The following SCAMP1 variants were observed in gnomAD, a reference collection of about 807,000 sequenced individuals.
The protein encoded by SCAMP1 is secretory carrier membrane protein 1, also known as secretory carrier-associated membrane protein 1.
A neutral mutation model predicts 41.8 loss-of-function variants in SCAMP1; 15 were observed. The observed-to-expected ratio is 0.36, with a 90% CI of 0.24 to 0.55. The LOEUF (loss-of-function observed/expected upper bound fraction) is 0.55. SCAMP1 is among the 20% of genes least tolerant of loss of function. SCAMP1 has a pLI of 0.86. For synonymous variants in SCAMP1, 135 were observed against 136.8 expected, an observed-to-expected ratio of 0.99 and a Z score of 0.09; for missense variants, 341 against 412.6, an observed-to-expected ratio of 0.83 and a Z score of 1.50.
chr5:78,385,779 T>G (rs575246261), intron 1 of SCAMP1, among the ~76,000 whole-genome samples: 3 of 152,314 alleles, frequency 2.0e-5, no homozygotes, highest in Admixed American at 6.5e-5. Flanking sequence ...GGAGTTGATT[T>G]CCAATTTTAT....
At chr5:78,427,875 CTGT>C (rs1361097835) in intron 6 of SCAMP1, among the ~76,000 whole-genome samples, 1 of 151,912 alleles carries the variant, frequency 6.6e-6, no homozygotes, top group Non-Finnish European at 1.5e-5. Flanking sequence ...TTTAAAAATT[CTGT>C]TGTTGACTTC....
intron 8 of SCAMP1, among the ~76,000 whole-genome samples, chr5:78,467,046 G>A (rs1290443284): frequency 1.3e-5 from 2 of 152,160 alleles, no homozygotes; most frequent in East Asian, 1.9e-4. Flanking sequence ...TGTTTTCCAC[G>A]TTGACCTTGA....
Position 78,465,085 on chromosome 5 carries a change from C to T in SCAMP1, c.852+5723C>T, listed in dbSNP as rs114680516. 8.7e-3 allele frequency among the ~76,000 whole-genome samples: 1,326 copies of T among 152,246 alleles called. 15 individuals carry two copies. Among genetic ancestry groups the T allele is most frequent in the African/African-American group, 0.03 (1,252 of 41,542 alleles). ...CCCAGCTCCGATCTTGCTGTGTCTC[C>T]CAGAATGTTTTTTGTTGCCTTGTAT... is the stretch of plus-strand genomic sequence containing the variant. On this transcript the variant is annotated intron_variant, in intron 8 of 8. Transcript: ENST00000621999.
At chr5:78,401,396 T>G (rs920829260) in intron 2 of SCAMP1, among the ~76,000 whole-genome samples, 6 of 152,166 alleles carry the variant, frequency 3.9e-5, no homozygotes, top group Non-Finnish European at 8.8e-5. Context: ...TGAGACTGTA[T>G]GGAATTAGTA....
At chr5:78,452,321 C>T (rs1397774231) in intron 7 of SCAMP1, among the ~76,000 whole-genome samples, 115 of 142,166 alleles carry the variant, frequency 8.1e-4, no homozygotes, top group African/African-American at 2.8e-3. Flanking sequence ...TCTCCCAATG[C>T]TATCCCTCCC....
At chr5:78,442,468 A>T (rs1306533107) in intron 6 of SCAMP1, among the ~76,000 whole-genome samples, 1 of 152,136 alleles carries the variant, frequency 6.6e-6, no homozygotes, top group Non-Finnish European at 1.5e-5. Context: ...CATGTTGGCC[A>T]GGCTGGTCTC....
chr5:78,396,429 A>G (rs1751653387), intron 2 of SCAMP1, among the ~76,000 whole-genome samples: 1 of 152,172 alleles, frequency 6.6e-6, no homozygotes, highest in Admixed American at 6.5e-5. Flanking sequence ...ATAAAGTTAA[A>G]AAGTTAGTGA....
intron 2 of SCAMP1, among the ~76,000 whole-genome samples, chr5:78,392,272 A>G (rs975908134): frequency 6.6e-6 from 1 of 152,184 alleles, no homozygotes; most frequent in Non-Finnish European, 1.5e-5. Flanking sequence ...CATAATATTC[A>G]AAATTGATAT....
At chr5:78,448,259 T>C (rs925503182) in intron 6 of SCAMP1, among the ~76,000 whole-genome samples, 3 of 147,188 alleles carry the variant, frequency 2.0e-5, no homozygotes, top group African/African-American at 7.5e-5. Flanking sequence ...GTCAAACTCC[T>C]AGCCTCAAGC....
intron 8 of SCAMP1, among the ~76,000 whole-genome samples, chr5:78,462,196 A>AGTAT (rs1554047176): frequency 6.8e-6 from 1 of 147,896 alleles, no homozygotes; most frequent in Non-Finnish European, 1.5e-5. Context: ...TGTGTGTAGG[A>AGTAT]GTGTGTGTGT....
intron 1 of SCAMP1, among the ~76,000 whole-genome samples, chr5:78,372,567 G>A (rs1441393901): frequency 6.6e-6 from 1 of 151,908 alleles, no homozygotes; most frequent in Non-Finnish European, 1.5e-5. Context: ...AAAATTAGAT[G>A]TCTTTTTCAA....
chr5:78,410,541 T>C (rs1419129113), intron 2 of SCAMP1, among the ~76,000 whole-genome samples: 1 of 152,214 alleles, frequency 6.6e-6, no homozygotes, highest in Admixed American at 6.5e-5. Context: ...TTATCCAGTC[T>C]ATGATTGATG....
chr5:78,412,895 G>A (rs1207064666), intron 2 of SCAMP1, among the ~76,000 whole-genome samples: 2 of 152,096 alleles, frequency 1.3e-5, no homozygotes, highest in Admixed American at 6.5e-5. Flanking sequence ...TTTGTGTGGT[G>A]TGTGTTTTCC....
chr5:78,460,367 C>T (rs1054257747), intron 8 of SCAMP1, among the ~76,000 whole-genome samples: 31 of 152,282 alleles, frequency 2.0e-4, no homozygotes, highest in African/African-American at 7.5e-4. Flanking sequence ...TTTATATTCC[C>T]GTCAACGGTA....
intron 1 of SCAMP1, among the ~76,000 whole-genome samples, chr5:78,384,212 G>T (rs1312226775): frequency 6.9e-6 from 1 of 145,052 alleles, no homozygotes; most frequent in Non-Finnish European, 1.5e-5. Flanking sequence ...TTTAAAAGGG[G>T]TGGAGTTCTT....
intron 2 of SCAMP1, among the ~76,000 whole-genome samples, chr5:78,392,851 T>A (rs900443504): frequency 1.3e-5 from 2 of 152,212 alleles, no homozygotes; most frequent in African/African-American, 4.8e-5. Context: ...TAGGTGTAGT[T>A]AGATAATTGA....
intron 2 of SCAMP1, among the ~76,000 whole-genome samples, chr5:78,392,220 C>T (rs1364548630): frequency 1.3e-5 from 2 of 152,176 alleles, no homozygotes; most frequent in African/African-American, 4.8e-5. Context: ...AAGCTGTCTA[C>T]TTTGTGCCAT....
At chr5:78,429,461 T>G (rs1026086263) in intron 6 of SCAMP1, among the ~76,000 whole-genome samples, 2 of 151,982 alleles carry the variant, frequency 1.3e-5, no homozygotes, top group African/African-American at 4.8e-5. Context: ...ACTTACTCTG[T>G]TAATATGGTG....
intron 8 of SCAMP1, among the ~76,000 whole-genome samples, chr5:78,465,506 A>G (rs1753724027): frequency 6.6e-6 from 1 of 152,236 alleles, no homozygotes; most frequent in African/African-American, 2.4e-5. Context: ...ATAGGCACTC[A>G]GATATTTGTT....
Sources: allele counts gnomAD v4.1 joint callset (sites outside exome capture counted in the v4.1 genomes callset), GRCh38; gene constraint gnomAD v4.1.1; transcripts MANE v1.5; gene names NCBI Gene and HGNC (gene_info 2026-07-23, HGNC 2026-07-21).